Variants in ERICH1 observed in about 807,000 individuals in gnomAD.
ERICH1 encodes glutamate rich 1.
Under a neutral mutation model 39.6 loss-of-function variants are expected in ERICH1, and 56 were observed. The ratio of observed to expected loss-of-function variants is 1.41; its 90% CI spans 1.14 to 1.77. The LOEUF (loss-of-function observed/expected upper bound fraction) is 1.77. Among genes scored for constraint, ERICH1 ranks in the 40% most tolerant of loss-of-function variants. The pLI is 0.00. For missense variants in ERICH1, 826 were observed against 575.4 expected, an observed-to-expected ratio of 1.44 and a Z score of -4.45; for synonymous variants, 313 against 223.6, an observed-to-expected ratio of 1.40 and a Z score of -3.57.
chr8:628,406 G>T (rs932463499), intron 3 of ERICH1, among the ~76,000 whole-genome samples: 1 of 152,232 alleles, frequency 6.6e-6, no homozygotes, highest in Admixed American at 6.5e-5. Context: ...TCATAAACAG[G>T]ACCGCTGTGA....
intron 4 of ERICH1, among the ~76,000 whole-genome samples, chr8:670,869 C>T (rs1435177565): frequency 6.6e-6 from 1 of 151,526 alleles, no homozygotes; most frequent in East Asian, 1.9e-4. Context: ...GACCTCTGAG[C>T]CCACCGGTCC....
At chr8:677,099 A>G (rs1392284386) in intron 3 of ERICH1, among the ~76,000 whole-genome samples, 2 of 152,254 alleles carry the variant, frequency 1.3e-5, no homozygotes, top group Admixed American at 6.5e-5. Context: ...CATGCTGGAC[A>G]GGAACCCTGC....
chr8:731,189 A>T lies in ERICH1; in HGVS notation c.-28T>A, dbSNP rs371211094. On this transcript the variant is annotated 5_prime_UTR_variant, in exon 1 of 6. Transcript: ENST00000262109. ...GGGACCCTGCCGCGGACCTCAGACC[A>T]CGGCGCGCGGTCCTGAGCTGAGCGC... 12 of 1,493,376 alleles carry T rather than the reference A, an allele frequency of 8.0e-6. No individual in the cohort carries two copies. In the East Asian group the frequency reaches 8.3e-5, roughly 10 times the overall value. The allele number at this position is 1,493,376 out of a possible 1,614,324, so 92.5% of individuals were successfully genotyped here.
Position 692,483 on chromosome 8 carries a change from G to C in ERICH1, c.299C>G (p.Thr100Arg), listed in dbSNP as rs771839377. Residue 100 changes from threonine to arginine, a missense_variant, in exon 3 of 6, where the codon ACA becomes AGA. By Grantham distance (71) the Thr-to-Arg change is moderately conservative (BLOSUM62 -1). Transcript: ENST00000262109. ...SPENASSGDD[T>R]EDQDPHDQPK... ...CCTCCCACCCAGCATTTTACCTTCT[G>C]TGTCATCCCCGCTGGAGGCGTTCTC... is the stretch of plus-strand genomic sequence containing the variant. 2 of 1,614,056 alleles carry C rather than the reference G, an allele frequency of 1.2e-6. No homozygotes were observed. The highest frequency in any genetic ancestry group is 3.3e-5 in the Admixed American group (2 of 59,982).
At chr8:636,895 C>T (rs532454060) in intron 3 of ERICH1, among the ~76,000 whole-genome samples, 1 of 152,308 alleles carries the variant, frequency 6.6e-6, no homozygotes, top group South Asian at 2.1e-4. Flanking sequence ...CTGCACAGCC[C>T]ACTTTCTGCA....
chr8:616,134 C>G (rs532018252), intron 3 of ERICH1: 140 of 169,906 alleles, frequency 8.2e-4, no homozygotes, highest in Admixed American at 3.2e-3. Flanking sequence ...AATTTTTTCT[C>G]TGTAATGATA....
rs865801869 is a variant in ERICH1, at chr8:700,364, C to G, written c.170-7752G>C. Among the ~76,000 whole-genome samples the G allele has an allele frequency of 6.4e-3, 636 of 99,496 alleles. 47 individuals are homozygous for G. Among genetic ancestry groups the G allele is most frequent in the African/African-American group, 9.5e-3 (284 of 29,814 alleles). The allele number at this position is 99,496 out of a possible 152,430, so 65.3% of individuals were successfully genotyped here. A position where few individuals can be genotyped will look rare whatever the true frequency, so the allele number is the denominator to read the frequency against. On this transcript the variant is annotated intron_variant, in intron 2 of 5. Transcript: ENST00000262109. Reference sequence around the variant, plus strand: ...GCACAGATCCGCACACGCGCACAGGCCCGCACAGGCGCACAGGCCCGCACA... The same window carrying G: ...GCACAGATCCGCACACGCGCACAGGGCCGCACAGGCGCACAGGCCCGCACA...
rs560154278 is a variant in ERICH1, at chr8:699,133, A to C, written c.170-6521T>G. Among the ~76,000 whole-genome samples the C allele has an allele frequency of 1.6e-4, 25 of 151,850 alleles. 2 individuals are homozygous for C. In the South Asian group the frequency reaches 4.6e-3, roughly 28 times the overall value. On this transcript the variant is annotated intron_variant, in intron 2 of 5. Coordinates refer to ENST00000262109, the MANE Select transcript of ERICH1 (RefSeq NM_207332.3). The stretch of plus-strand genomic sequence containing the variant: ...CTGTCTCAAAAAACCCCCCAAACCC[A>C]CTAAATATCAGCTCAGAAACTCCCC...
intron 2 of ERICH1, among the ~76,000 whole-genome samples, chr8:693,563 G>C (rs1415958985): frequency 1.3e-5 from 2 of 152,152 alleles, no homozygotes; most frequent in African/African-American, 4.8e-5. Flanking sequence ...TACCACCGTG[G>C]ACAGCTGCTG....
At chr8:682,323 C>G (rs1045003310) in intron 3 of ERICH1, among the ~76,000 whole-genome samples, 3 of 152,336 alleles carry the variant, frequency 2.0e-5, no homozygotes, top group East Asian at 1.9e-4. Flanking sequence ...CAAAATAAGA[C>G]AGTTGGCTCA....
intron 3 of ERICH1, among the ~76,000 whole-genome samples, chr8:686,022 T>C (rs369415008): frequency 6.9e-5 from 10 of 145,974 alleles, no homozygotes; most frequent in African/African-American, 2.3e-4. Flanking sequence ...TAGCTTGGTG[T>C]AGTGGTGCGC....
chr8:699,792 G>C (rs1585441257), intron 2 of ERICH1, among the ~76,000 whole-genome samples: 3 of 65,396 alleles, frequency 4.6e-5, no homozygotes, highest in Admixed American at 1.9e-4. Flanking sequence ...CACGCGCACA[G>C]ACCCGCACAC....
At chr8:697,147 C>G (rs1345556767) in intron 2 of ERICH1, among the ~76,000 whole-genome samples, 6 of 152,196 alleles carry the variant, frequency 3.9e-5, no homozygotes, top group Non-Finnish European at 8.8e-5. Context: ...TTTCCTCTGT[C>G]TTTGAAATGA....
intron 3 of ERICH1, among the ~76,000 whole-genome samples, chr8:684,776 G>C (rs1230945726): frequency 1.3e-5 from 2 of 152,188 alleles, no homozygotes; most frequent in African/African-American, 4.8e-5. Flanking sequence ...TCACATGTCA[G>C]CAGGTTCCGT....
chr8:712,619 C>A (rs1265807204), intron 2 of ERICH1, among the ~76,000 whole-genome samples: 2 of 152,020 alleles, frequency 1.3e-5, no homozygotes, highest in Non-Finnish European at 2.9e-5. Context: ...TTAGTAGAGA[C>A]GGGGTTTCTA....
intron 3 of ERICH1, among the ~76,000 whole-genome samples, chr8:639,832 A>G (rs1798794278): frequency 7.9e-6 from 1 of 126,374 alleles, no homozygotes; most frequent in Non-Finnish European, 1.7e-5. Flanking sequence ...TCCAGTGAGC[A>G]GACACACCAA....
In ERICH1 at chr8:642,946, G is replaced by C. The variant is rs576603368; in HGVS notation, c.976+25652C>G. 2.6e-5 allele frequency among the ~76,000 whole-genome samples: 4 copies of C among 152,320 alleles called. No homozygotes were observed. The South Asian group carries it at 8.3e-4, about 32-fold the overall frequency. On this transcript the variant is annotated intron_variant, in intron 3 of 3. Transcript: ENST00000522706. ...CGGGAGACTGCAGCCTCCTGACTGA[G>C]TGTGCAGGTGGGAGACGCCGCCGAG... is the stretch of plus-strand genomic sequence containing the variant.
At position 693,408 on chromosome 8, in the gene ERICH1, A is replaced by G. The variant is rs538592542; in HGVS notation, c.170-796T>C. Among the ~76,000 whole-genome samples, 7 of 152,384 alleles carry G rather than the reference A, an allele frequency of 4.6e-5. No homozygotes were observed. In the South Asian group the frequency reaches 1.4e-3, roughly 32 times the overall value. ...TGTAACTTAAATCTGCATACTTTTA[A>G]TGGCTACATCATATCCCATGCGATG... On this transcript the variant is annotated intron_variant, in intron 2 of 5. Transcript: ENST00000262109.
At chr8:698,678 C>A (rs1810938638) in intron 2 of ERICH1, among the ~76,000 whole-genome samples, 1 of 151,992 alleles carries the variant, frequency 6.6e-6, no homozygotes, top group African/African-American at 2.4e-5. Context: ...TGCAATGATG[C>A]GATCATGGCT....
Sources: gnomAD v4.1 joint callset for allele counts (sites outside exome capture counted in the v4.1 genomes callset) on GRCh38, gnomAD v4.1.1 for gene constraint, MANE v1.5 for transcripts, NCBI Gene and HGNC (gene_info 2026-07-23, HGNC 2026-07-21) for gene names.